The following EML5 variants were observed in gnomAD, a reference collection of about 807,000 sequenced individuals.
EML5 encodes echinoderm microtubule-associated protein-like 5.
In EML5, 120 loss-of-function variants were observed where a neutral mutation model predicts 250.0. That is an observed-to-expected ratio of 0.48 (90% CI 0.41 to 0.56). The LOEUF (loss-of-function observed/expected upper bound fraction) is 0.56. Among genes scored for constraint, EML5 ranks in the 20% least tolerant of loss-of-function variants. The pLI is 0.00. For synonymous variants in EML5, 771 were observed against 806.5 expected, an observed-to-expected ratio of 0.96 and a Z score of 0.75; for missense variants, 2,006 against 2,437.6, an observed-to-expected ratio of 0.82 and a Z score of 3.73.
intron 35 of EML5, 36 bp downstream of exon 35, chr14:88,626,802 G>A (rs751790893): frequency 6.2e-7 from 1 of 1,604,958 alleles, no homozygotes; most frequent in South Asian, 1.1e-5. Context: ...ATGTAAAGTA[G>A]TCAAAGTCAC....
chr14:88,705,650 G>A, intron 11 of EML5, 62 bp from the exon 12 acceptor site: 2 of 1,217,258 alleles, frequency 1.6e-6, no homozygotes, highest in Non-Finnish European at 1.2e-6. Context: ...AAACAGCACT[G>A]AAAAATTAAT....
intron 33 of EML5, among the ~76,000 whole-genome samples, chr14:88,631,616 A>G (rs1418217201): frequency 6.6e-6 from 1 of 152,190 alleles, no homozygotes; most frequent in Non-Finnish European, 1.5e-5. Context: ...TAAAAATACA[A>G]AAAGTTAGCT....
At chr14:88,653,647 G>A (rs758172443) in intron 27 of EML5, among the ~76,000 whole-genome samples, 4 of 152,086 alleles carry the variant, frequency 2.6e-5, no homozygotes, top group Non-Finnish European at 4.4e-5. Flanking sequence ...GGATGAAGCC[G>A]ACTTGATTGT....
chr14:88,701,610 G>T (rs371362201), intron 14 of EML5, among the ~76,000 whole-genome samples: 5 of 151,738 alleles, frequency 3.3e-5, no homozygotes, highest in African/African-American at 1.2e-4. Flanking sequence ...ATGGGAGAAA[G>T]AAAAAAGGGA....
chr14:88,755,297 C>T (rs949687411), intron 1 of EML5, among the ~76,000 whole-genome samples: 4 of 152,122 alleles, frequency 2.6e-5, no homozygotes, highest in African/African-American at 9.7e-5. Flanking sequence ...AATTGGTAGC[C>T]TTTTCCTCAT....
intron 7 of EML5, among the ~76,000 whole-genome samples, chr14:88,735,818 G>A (rs2093830172): frequency 6.6e-6 from 1 of 152,080 alleles, no homozygotes; most frequent in Non-Finnish European, 1.5e-5. Context: ...TATCCATGCA[G>A]TGAAATATTA....
intron 21 of EML5, 39 bp downstream of exon 21, chr14:88,681,851 T>C: frequency 1.3e-6 from 2 of 1,553,060 alleles, no homozygotes; most frequent in Non-Finnish European, 1.7e-6. Flanking sequence ...TAGAAAACTG[T>C]GAGAGCTTAA....
chr14:88,682,608 GGCTCTCTCTCCCCCCA>G (rs2092738634), intron 20 of EML5, among the ~76,000 whole-genome samples: 1 of 152,008 alleles, frequency 6.6e-6, no homozygotes, highest in African/African-American at 2.4e-5. Flanking sequence ...AAGAACACTA[GGCTCTCTCTCCCCCCA>G]GCTCGCGGTC....
At chr14:88,622,039 CCCTTGT>C (rs1202343741) in intron 37 of EML5, 6 of 332,736 alleles carry the variant, frequency 1.8e-5, no homozygotes, top group Non-Finnish European at 3.1e-5. Context: ...CTCCCCCTCC[CCCTTGT>C]CCGCCTCCAG....
At chr14:88,746,596 G>C (rs1830852355) in intron 2 of EML5, among the ~76,000 whole-genome samples, 3 of 151,920 alleles carry the variant, frequency 2.0e-5, no homozygotes, top group Admixed American at 2.0e-4. Context: ...GTTTTTAAAT[G>C]GACTGATGAG....
chr14:88,704,503 G>GA (rs2093278649), intron 13 of EML5, among the ~76,000 whole-genome samples: 1 of 151,858 alleles, frequency 6.6e-6, no homozygotes, highest in Admixed American at 6.6e-5. Context: ...TTTACAGACA[G>GA]AAAAAAAGAG....
At chr14:88,648,449 G>A (rs1428096797) in intron 28 of EML5, among the ~76,000 whole-genome samples, 2 of 152,010 alleles carry the variant, frequency 1.3e-5, no homozygotes, top group Non-Finnish European at 2.9e-5. Flanking sequence ...GACCTCCCAC[G>A]CTCCAGACAT....
At chr14:88,771,018 T>G (rs2094387093) in intron 1 of EML5, among the ~76,000 whole-genome samples, 1 of 152,178 alleles carries the variant, frequency 6.6e-6, no homozygotes, top group Admixed American at 6.5e-5. Flanking sequence ...ATCTCTAAAT[T>G]TATCATAACT....
At chr14:88,684,684 T>G (rs1458415554) in intron 20 of EML5, among the ~76,000 whole-genome samples, 1 of 152,062 alleles carries the variant, frequency 6.6e-6, no homozygotes, top group African/African-American at 2.4e-5. Flanking sequence ...TCATGGGTCC[T>G]TTATTTTCTG....
intron 27 of EML5, among the ~76,000 whole-genome samples, chr14:88,655,121 A>T (rs1301098986): frequency 6.6e-6 from 1 of 152,034 alleles, no homozygotes; most frequent in Non-Finnish European, 1.5e-5. Flanking sequence ...CACAGAATTG[A>T]ACTACTGTAA....
intron 28 of EML5, among the ~76,000 whole-genome samples, chr14:88,647,687 C>CAAAAAAAAAAAAAAAAAAAAAAAAA (rs34191990): frequency 4.1e-5 from 2 of 48,754 alleles, no homozygotes; most frequent in African/African-American, 1.5e-4. Flanking sequence ...GAGACCGTCT[C>CAAAAAAAAAAAAAAAAAAAAAAAAA]AAAAAAAAAA....
chr14:88,699,321 A>G (rs1048254110), intron 14 of EML5, among the ~76,000 whole-genome samples: 21 of 152,208 alleles, frequency 1.4e-4, no homozygotes, highest in Admixed American at 1.2e-3. Context: ...AGAGGCAAAT[A>G]GAAAGAGATA....
intron 14 of EML5, among the ~76,000 whole-genome samples, chr14:88,697,830 G>C (rs2093114879): frequency 6.6e-6 from 1 of 152,000 alleles, no homozygotes; most frequent in Non-Finnish European, 1.5e-5. Flanking sequence ...CCACCTCCTG[G>C]GTTCAGGTGA....
intron 1 of EML5, among the ~76,000 whole-genome samples, chr14:88,775,131 G>A (rs1462519902): frequency 1.3e-5 from 2 of 151,330 alleles, no homozygotes; most frequent in Non-Finnish European, 2.9e-5. Flanking sequence ...CTATGTCAAG[G>A]GCCTTAAGTG....
Sources: gnomAD v4.1 joint callset for allele counts (sites outside exome capture counted in the v4.1 genomes callset) on GRCh38, gnomAD v4.1.1 for gene constraint, MANE v1.5 for transcripts, NCBI Gene and HGNC (gene_info 2026-07-23, HGNC 2026-07-21) for gene names.